Variants in SLC5A11 observed in about 807,000 individuals in gnomAD.
SLC5A11 encodes the protein solute carrier family 5 member 11, also known as sodium/myo-inositol cotransporter 2.
A neutral mutation model predicts 69.8 loss-of-function variants in SLC5A11; 48 were observed. The ratio of observed to expected loss-of-function variants is 0.69; its 90% CI spans 0.55 to 0.87. The LOEUF (loss-of-function observed/expected upper bound fraction) is 0.87, where lower values mean the gene tolerates loss of function less well. Among genes scored for constraint, SLC5A11 ranks in the 40% least tolerant of loss-of-function variants. SLC5A11 has a pLI of 0.00. For synonymous variants in SLC5A11, 319 were observed against 342.4 expected (o/e 0.93, Z 0.75); for missense variants, 784 against 866.1 (o/e 0.91, Z 1.19).
intron 10 of SLC5A11, 151 bp downstream of exon 11, chr16:24,898,260 G>A (rs2049322994): frequency 1.8e-6 from 2 of 1,084,122 alleles, no homozygotes; most frequent in Non-Finnish European, 2.6e-6. Context: ...CATTCAGGTT[G>A]GAGTGCAGTG....
At chr16:24,869,432 G>A (rs2047134444) in intron 3 of SLC5A11, among the ~76,000 whole-genome samples, 1 of 152,144 alleles carries the variant, frequency 6.6e-6, no homozygotes. Context: ...CCAGGGATTG[G>A]CATCAGCAAG....
At position 24,849,593 on chromosome 16, in the gene SLC5A11, A is replaced by AAAAT; in HGVS notation, c.-25+3156_-25+3157insAATA. Among the ~76,000 whole-genome samples, 26 of 35,910 alleles carry AAAAT rather than the reference A, an allele frequency of 7.2e-4. 1 individual carries two copies. Among genetic ancestry groups the AAAAT allele is most frequent in the Non-Finnish European group, 1.2e-3 (22 of 17,964 alleles). The allele number at this position is 35,910 out of a possible 152,430, so 23.6% of individuals were successfully genotyped here. A position where few individuals can be genotyped will look rare whatever the true frequency, so the allele number is the denominator to read the frequency against. Reference sequence around the variant, plus strand: ...GGGGCAAAAAAAAAAAAAAAAAAAAAATATATATATATATATATATATATA... The same window carrying AAAAT: ...GGGGCAAAAAAAAAAAAAAAAAAAAAAAATATATATATATATATATATATATATA... On this transcript the variant is annotated intron_variant, in intron 1 of 15. Transcript: ENST00000347898.
At chr16:24,908,751 C>A (rs899286539) in intron 13 of SLC5A11, 130 bp from the exon 15 acceptor site, 5 of 705,004 alleles carry the variant, frequency 7.1e-6, no homozygotes, top group East Asian at 5.4e-5. Context: ...TATTGCAGAA[C>A]CTTTTCAAAT....
chr16:24,862,370 ATGTT>A (rs2046626168), intron 2 of SLC5A11, among the ~76,000 whole-genome samples: 1 of 152,258 alleles, frequency 6.6e-6, no homozygotes, highest in South Asian at 2.1e-4. Flanking sequence ...CATAAAATAA[ATGTT>A]TGTAGCAACA....
exon 10 of SLC5A11, chr16:24,898,094 C>G: frequency 6.2e-7 from 1 of 1,614,010 alleles, no homozygotes; most frequent in Non-Finnish European, 8.5e-7. Context: ...GATGGTCAGC[C>G]GCATCCTCTT....
rs897735745 is a variant in SLC5A11 at position 24,858,793 on chromosome 16, T to G, written c.135+15T>G. ...TTGGACTATGGGTAAGCCAGGCCAC[T>G]GGGGGATGGGGGATGAAGAGAGAAG... On this transcript the variant is annotated intron_variant, in intron 2 of 15. Transcript: ENST00000347898. 9 of 1,604,470 alleles carry G rather than the reference T, an allele frequency of 5.6e-6. No homozygotes were observed. The highest frequency in any genetic ancestry group is 2.7e-5 in the African/African-American group (2 of 74,808).
In SLC5A11 at chr16:24,884,696, A is replaced by C. The variant is rs948068527; in HGVS notation, c.664+565A>C. Among the ~76,000 whole-genome samples the C allele has an allele frequency of 2.0e-5, 3 of 151,494 alleles. 1 individual carries two copies. On this transcript the variant is annotated intron_variant, in intron 8 of 15. Transcript: ENST00000347898. ...ATATGGAAAAATAACTGAATGAATAAATAAAAGAATGTGAAGAGACAGCTT... is the reference window on the plus strand; with the variant it reads ...ATATGGAAAAATAACTGAATGAATACATAAAAGAATGTGAAGAGACAGCTT...
At chr16:24,903,190 T>G (rs2049774261) in intron 10 of SLC5A11, among the ~76,000 whole-genome samples, 1 of 149,508 alleles carries the variant, frequency 6.7e-6, no homozygotes, top group Non-Finnish European at 1.5e-5. Flanking sequence ...GGACATCTGT[T>G]TTTTTTTTTT....
chr16:24,905,847 A>G (rs1485239645), intron 10 of SLC5A11, among the ~76,000 whole-genome samples: 2 of 89,192 alleles, frequency 2.2e-5, no homozygotes, highest in Non-Finnish European at 2.8e-5. Context: ...TAATAACAGT[A>G]TCTTCCCCCA....
rs1369132252 is a variant in SLC5A11, at chr16:24,874,859, G to T, written c.373-768G>T. Among the ~76,000 whole-genome samples the T allele has an allele frequency of 6.6e-5, 10 of 152,104 alleles. 1 individual carries two copies. The highest frequency in any genetic ancestry group is 6.6e-4 in the Admixed American group (10 of 15,256). ...ACCTCCCAAAGTGTTGGGATTACAG[G>T]CCTGAGCCACCGCACCTGGCCATCT... On this transcript the variant is annotated intron_variant, in intron 5 of 15. Coordinates refer to ENST00000347898, the Ensembl canonical transcript of SLC5A11.
At chr16:24,877,072 G>A in intron 6 of SLC5A11, 186 bp from the exon 8 acceptor site, 1 of 1,446,466 alleles carries the variant, frequency 6.9e-7, no homozygotes, top group Non-Finnish European at 9.1e-7. Context: ...ATCAGCCCAG[G>A]GCCCACAGGG....
At chr16:24,897,218 T>G (rs2049246720) in intron 9 of SLC5A11, among the ~76,000 whole-genome samples, 1 of 152,090 alleles carries the variant, frequency 6.6e-6, no homozygotes, top group Admixed American at 6.6e-5. Flanking sequence ...CCTCCCAAAG[T>G]GCTGGGATTA....
At chr16:24,902,928 T>G (rs2152407442) in intron 10 of SLC5A11, among the ~76,000 whole-genome samples, 1 of 152,202 alleles carries the variant, frequency 6.6e-6, no homozygotes, top group South Asian at 2.1e-4. Context: ...CATGGAAAAA[T>G]AACATAAACT....
At chr16:24,870,781 C>CAAAAAAA (rs57742222) in intron 4 of SLC5A11, among the ~76,000 whole-genome samples, 22 of 66,546 alleles carry the variant, frequency 3.3e-4, no homozygotes, top group South Asian at 1.3e-3. Context: ...CTCTGTCTCA[C>CAAAAAAA]AAAAAAAAAA....
intron 10 of SLC5A11, among the ~76,000 whole-genome samples, chr16:24,903,929 G>C: frequency 6.6e-6 from 1 of 152,264 alleles, no homozygotes; most frequent in Non-Finnish European, 1.5e-5. Context: ...AATTTATAAA[G>C]GAAAGAGGTT....
At chr16:24,873,487 G>T (rs2047468965) in intron 5 of SLC5A11, among the ~76,000 whole-genome samples, 1 of 151,704 alleles carries the variant, frequency 6.6e-6, no homozygotes, top group South Asian at 2.1e-4. Context: ...TTAAAATAAA[G>T]AATTAGCTGA....
rs1405160868 is a variant in SLC5A11 at position 24,860,707 on chromosome 16, G to T, written c.136-1894G>T. On this transcript the variant is annotated intron_variant, in intron 2 of 15. Coordinates refer to ENST00000347898, the Ensembl canonical transcript of SLC5A11. ...AAAATAATATCTCAAAGTTTTTTTT[G>T]TTTTTTGTTTTTTGTTTTGAGACGG... Among the ~76,000 whole-genome samples, 6 of 151,444 alleles carry T rather than the reference G, an allele frequency of 4.0e-5. 1 individual carries two copies. Among genetic ancestry groups the T allele is most frequent in the Admixed American group, 1.3e-4 (2 of 15,186 alleles).
intron 7 of SLC5A11, among the ~76,000 whole-genome samples, chr16:24,883,433 C>T (rs1322997508): frequency 6.6e-6 from 1 of 152,114 alleles, no homozygotes; most frequent in Non-Finnish European, 1.5e-5. Flanking sequence ...GGCCTAAGCA[C>T]CACTTCCTAT....
At chr16:24,867,237 TA>T (rs1481608402) in intron 3 of SLC5A11, among the ~76,000 whole-genome samples, 9 of 152,208 alleles carry the variant, frequency 5.9e-5, no homozygotes, top group Non-Finnish European at 1.3e-4. Context: ...AATTCCCAAA[TA>T]CATATCAATT....
Sources: allele counts gnomAD v4.1 joint callset (sites outside exome capture counted in the v4.1 genomes callset), GRCh38; gene constraint gnomAD v4.1.1; transcripts MANE v1.5; gene names NCBI Gene and HGNC (gene_info 2026-07-23, HGNC 2026-07-21).